Variants in AGBL1 observed in about 807,000 individuals in gnomAD.
The protein encoded by AGBL1 is AGBL carboxypeptidase 1, also known as cytosolic carboxypeptidase 4.
Under a neutral mutation model 118.9 loss-of-function variants are expected in AGBL1, and 130 were observed. That is an observed-to-expected ratio of 1.09 (90% confidence interval 0.95 to 1.26). The LOEUF (loss-of-function observed/expected upper bound fraction) is 1.26, where lower values mean the gene tolerates loss of function less well. Ranked by LOEUF, AGBL1 falls within the 50% of genes most tolerant of loss-of-function variation. The pLI, the probability that AGBL1 is intolerant of heterozygous loss-of-function variation, is 0.00. For synonymous variants in AGBL1, 555 were observed against 478.9 expected (o/e 1.16, Z -2.08); for missense variants, 1,584 against 1,298.1 (o/e 1.22, Z -3.38).
intron 19 of AGBL1, among the ~76,000 whole-genome samples, chr15:86,528,683 A>G (rs1441111144): frequency 3.6e-5 from 4 of 112,364 alleles, no homozygotes; most frequent in Admixed American, 3.4e-4. Flanking sequence ...AGACAGCAGT[A>G]ACCTCTGCAG....
intron 23 of AGBL1, among the ~76,000 whole-genome samples, chr15:86,960,471 A>G (rs2080980870): frequency 6.6e-6 from 1 of 152,112 alleles, no homozygotes; most frequent in Admixed American, 6.6e-5. Context: ...GTCATTATCA[A>G]AAAGTCAAAA....
At chr15:86,717,769 A>G (rs1315378006) in intron 22 of AGBL1, among the ~76,000 whole-genome samples, 1 of 152,186 alleles carries the variant, frequency 6.6e-6, no homozygotes, top group Admixed American at 6.5e-5. Flanking sequence ...TTGAGATGGC[A>G]GATTTGGGAG....
intron 19 of AGBL1, among the ~76,000 whole-genome samples, chr15:86,527,731 AT>A (rs1290236562): frequency 1.3e-5 from 2 of 152,198 alleles, no homozygotes; most frequent in African/African-American, 2.4e-5. Flanking sequence ...CTATTCAGCC[AT>A]TTGCTTATTG....
chr15:86,950,302 G>A (rs544905074), intron 23 of AGBL1, among the ~76,000 whole-genome samples: 3 of 150,528 alleles, frequency 2.0e-5, no homozygotes, highest in Admixed American at 2.0e-4. Flanking sequence ...ATAGACTAAT[G>A]GAATAAAAAA....
chr15:86,660,979 AT>A (rs2085528585), intron 21 of AGBL1, among the ~76,000 whole-genome samples: 1 of 152,178 alleles, frequency 6.6e-6, no homozygotes, highest in African/African-American at 2.4e-5. Context: ...CAAGCAGGTA[AT>A]GTAAATTCAG....
At chr15:86,609,992 T>A (rs1453784384) in intron 21 of AGBL1, among the ~76,000 whole-genome samples, 2 of 152,116 alleles carry the variant, frequency 1.3e-5, no homozygotes, top group Non-Finnish European at 2.9e-5. Flanking sequence ...AGTTCACAGA[T>A]CAAATAAGTA....
chr15:86,219,967 T>TG (rs2078253847), intron 5 of AGBL1, among the ~76,000 whole-genome samples: 3 of 148,634 alleles, frequency 2.0e-5, no homozygotes, highest in Non-Finnish European at 3.0e-5. Context: ...TTTTTTTTTT[T>TG]TTTAGATGGA....
intron 22 of AGBL1, among the ~76,000 whole-genome samples, chr15:86,800,881 G>T (rs1386572102): frequency 6.6e-6 from 1 of 152,156 alleles, no homozygotes; most frequent in African/African-American, 2.4e-5. Context: ...ACAATGACTT[G>T]TTATCAGAAG....
chr15:86,723,888 A>G (rs2086775885), intron 22 of AGBL1, among the ~76,000 whole-genome samples: 1 of 152,076 alleles, frequency 6.6e-6, no homozygotes, highest in African/African-American at 2.4e-5. Context: ...CAAAGTTTGG[A>G]TACTTGAAAA....
chr15:86,585,742 A>G (rs1181269347), intron 21 of AGBL1, among the ~76,000 whole-genome samples: 1 of 152,166 alleles, frequency 6.6e-6, no homozygotes, highest in Non-Finnish European at 1.5e-5. Context: ...GGAGTCCAGG[A>G]ACTGTTTTCT....
rs1457295510 is a variant in AGBL1 at position 86,698,252 on chromosome 15, C to T, written c.3158+23816C>T. On this transcript the variant is annotated intron_variant, in intron 22 of 22. Transcript: ENST00000614907. ...GTCTCCTAGGACATAGAGTGGGATG[C>T]AGAAAACTGATGAACAGACCTGGAG... 4.6e-5 allele frequency among the ~76,000 whole-genome samples: 7 copies of T among 152,032 alleles called. No individual in the cohort carries two copies. In the East Asian group the frequency reaches 1.4e-3, roughly 30 times the overall value.
intron 17 of AGBL1, among the ~76,000 whole-genome samples, chr15:86,320,308 T>G (rs2080085503): frequency 6.6e-6 from 1 of 152,104 alleles, no homozygotes; most frequent in Non-Finnish European, 1.5e-5. Context: ...TTTTATTTTT[T>G]TTTTGTATAA....
At chr15:86,393,045 G>A (rs1160370958) in intron 17 of AGBL1, among the ~76,000 whole-genome samples, 2 of 152,100 alleles carry the variant, frequency 1.3e-5, no homozygotes, top group Non-Finnish European at 2.9e-5. Context: ...CAACATGACT[G>A]CAAAATTGTC....
intron 18 of AGBL1, among the ~76,000 whole-genome samples, chr15:86,424,763 T>C (rs921702857): frequency 2.6e-5 from 4 of 152,226 alleles, no homozygotes; most frequent in African/African-American, 9.6e-5. Flanking sequence ...GGAAGATATT[T>C]ATGTGGCCAA....
chr15:86,468,780 G>T (rs575156125), intron 18 of AGBL1, among the ~76,000 whole-genome samples: 1 of 152,286 alleles, frequency 6.6e-6, no homozygotes, highest in African/African-American at 2.4e-5. Flanking sequence ...TATTAAAAGA[G>T]TGTTTTGTAG....
intron 18 of AGBL1, among the ~76,000 whole-genome samples, chr15:86,490,047 C>G (rs1020586997): frequency 6.6e-6 from 1 of 152,048 alleles, no homozygotes. Flanking sequence ...CTCAGGTTGC[C>G]TTGTGTTACC....
intron 16 of AGBL1, among the ~76,000 whole-genome samples, chr15:86,284,240 T>C (rs2079404936): frequency 1.3e-5 from 2 of 151,142 alleles, no homozygotes; most frequent in African/African-American, 4.9e-5. Context: ...TTACAAAGGC[T>C]ACTGATGGTT....
chr15:86,602,739 C>T (rs1039812698), intron 21 of AGBL1, among the ~76,000 whole-genome samples: 9 of 151,992 alleles, frequency 5.9e-5, no homozygotes, highest in African/African-American at 2.2e-4. Flanking sequence ...ACTAGGGAAA[C>T]GTCTTTGGAA....
At chr15:86,858,500 G>A (rs993470544) in intron 22 of AGBL1, among the ~76,000 whole-genome samples, 1 of 150,046 alleles carries the variant, frequency 6.7e-6, no homozygotes. Context: ...GTGTGTGTAA[G>A]GGAGCAGGAG....
Sources: gnomAD v4.1 joint callset for allele counts (sites outside exome capture counted in the v4.1 genomes callset) on GRCh38, gnomAD v4.1.1 for gene constraint, MANE v1.5 for transcripts, NCBI Gene and HGNC (gene_info 2026-07-23, HGNC 2026-07-21) for gene names.